The following MGAT4C variants were observed in gnomAD, a reference collection of about 807,000 sequenced individuals.
MGAT4C encodes the protein MGAT4 family member C.
Under a neutral mutation model 40.1 loss-of-function variants are expected in MGAT4C, and 19 were observed. The ratio of observed to expected loss-of-function variants is 0.47; its 90% confidence interval spans 0.33 to 0.70. MGAT4C has a LOEUF of 0.70. MGAT4C is among the 30% of genes least tolerant of loss of function. The pLI is 0.02. For missense variants in MGAT4C, 491 were observed against 563.2 expected, an observed-to-expected ratio of 0.87 and a Z score of 1.30; for synonymous variants, 181 against 187.1, an observed-to-expected ratio of 0.97 and a Z score of 0.27.
intron 2 of MGAT4C, among the ~76,000 whole-genome samples, chr12:86,019,828 G>A (rs1463357440): frequency 1.3e-5 from 2 of 152,132 alleles, no homozygotes; most frequent in Admixed American, 1.3e-4. Context: ...CATGAGCATG[G>A]AATGTTCTTC....
intron 2 of MGAT4C, among the ~76,000 whole-genome samples, chr12:86,477,277 T>C (rs1168502350): frequency 2.6e-5 from 4 of 151,702 alleles, no homozygotes; most frequent in Admixed American, 2.6e-4. Context: ...TGAATGAAAT[T>C]AGAGGCCATT....
At position 86,459,291 on chromosome 12, in the gene MGAT4C, C is replaced by T. The variant is rs576683397; in HGVS notation, c.-228-24026G>A. Among the ~76,000 whole-genome samples the T allele has an allele frequency of 5.3e-5, 8 of 152,186 alleles. No individual in the cohort carries two copies. The South Asian group carries it at 1.2e-3, about 24-fold the overall frequency. On this transcript the variant is annotated intron_variant, in intron 2 of 7. Coordinates refer to the MGAT4C transcript ENST00000548651. ...CTCTTATCTTGAGTGTGGGCAGAAT[C>T]TGTGAATAGAATGGCAATATCACTC...
chr12:86,670,012 G>GA (rs1283818074), intron 2 of MGAT4C, among the ~76,000 whole-genome samples: 4 of 145,216 alleles, frequency 2.8e-5, no homozygotes, highest in Non-Finnish European at 4.6e-5. Flanking sequence ...GAAAGGGAAA[G>GA]AAAAAAGAAA....
At chr12:86,109,192 T>C (rs1876763832) in intron 1 of MGAT4C, among the ~76,000 whole-genome samples, 1 of 152,122 alleles carries the variant, frequency 6.6e-6, no homozygotes, top group African/African-American at 2.4e-5. Context: ...AATTAGACAC[T>C]AGCACCAAAA....
intron 2 of MGAT4C, among the ~76,000 whole-genome samples, chr12:86,664,960 A>G (rs1238052655): frequency 6.6e-6 from 1 of 152,172 alleles, no homozygotes; most frequent in Non-Finnish European, 1.5e-5. Flanking sequence ...CATTTCATGT[A>G]TCAGTATCCC....
intron 1 of MGAT4C, among the ~76,000 whole-genome samples, chr12:86,768,582 A>G (rs1470106201): frequency 2.0e-5 from 3 of 151,622 alleles, no homozygotes; most frequent in Admixed American, 6.6e-5. Context: ...CCAAAAGAAC[A>G]AAGCTGGAGG....
upstream of MGAT4C, among the ~76,000 whole-genome samples, chr12:86,258,666 T>A (rs1183446875): frequency 6.6e-6 from 1 of 152,096 alleles, no homozygotes; most frequent in African/African-American, 2.4e-5. Flanking sequence ...TATTAAAATA[T>A]GTCAGTGAGA....
At position 86,394,895 on chromosome 12, in the gene MGAT4C, T is replaced by G. The variant is rs571567636; in HGVS notation, c.-120+40262A>C. 4.6e-5 allele frequency among the ~76,000 whole-genome samples: 7 copies of G among 151,906 alleles called. No homozygotes were observed. In the South Asian group the frequency reaches 1.5e-3, roughly 32 times the overall value. ...CCTCCCAAAGTGCTGGGAATACAGGTGTGAGACACCACACCCGGCTTAATT... is the reference window on the plus strand; with the variant it reads ...CCTCCCAAAGTGCTGGGAATACAGGGGTGAGACACCACACCCGGCTTAATT... On this transcript the variant is annotated intron_variant, in intron 3 of 7. Transcript: ENST00000548651.
At chr12:86,193,135 T>G (rs1593196290) in intron 1 of MGAT4C, among the ~76,000 whole-genome samples, 1 of 152,020 alleles carries the variant, frequency 6.6e-6, no homozygotes, top group Non-Finnish European at 1.5e-5. Context: ...ATCAGATATA[T>G]TTGACTTTAA....
intron 2 of MGAT4C, among the ~76,000 whole-genome samples, chr12:86,706,352 T>C (rs1950458188): frequency 6.6e-6 from 1 of 152,206 alleles, no homozygotes; most frequent in Admixed American, 6.5e-5. Context: ...AGGGCTATTT[T>C]AATTGGAATG....
chr12:86,043,002 A>C (rs1892024424), intron 2 of MGAT4C, among the ~76,000 whole-genome samples: 1 of 152,064 alleles, frequency 6.6e-6, no homozygotes, highest in Admixed American at 6.6e-5. Context: ...AGCTGCATTT[A>C]ACCTTTCTTC....
intron 1 of MGAT4C, among the ~76,000 whole-genome samples, chr12:86,127,296 T>C (rs571861519): frequency 6.6e-6 from 1 of 152,326 alleles, no homozygotes; most frequent in South Asian, 2.1e-4. Flanking sequence ...ATTTGTGTAT[T>C]CAAACATACC....
intron 2 of MGAT4C, among the ~76,000 whole-genome samples, chr12:86,479,736 G>A (rs1190388874): frequency 6.6e-6 from 1 of 151,846 alleles, no homozygotes. Context: ...TAGAGCAAGA[G>A]TGGAGCCTTT....
intron 1 of MGAT4C, among the ~76,000 whole-genome samples, chr12:86,156,102 C>CAT (rs1254699502): frequency 2.6e-5 from 4 of 152,070 alleles, no homozygotes; most frequent in African/African-American, 7.2e-5. Context: ...TATAAACACA[C>CAT]ATATATATAC....
chr12:86,583,946 A>C (rs1960897408), intron 2 of MGAT4C, among the ~76,000 whole-genome samples: 1 of 151,094 alleles, frequency 6.6e-6, no homozygotes, highest in Non-Finnish European at 1.5e-5. Context: ...TATACTACTA[A>C]TAAAATAAGT....
intron 2 of MGAT4C, among the ~76,000 whole-genome samples, chr12:86,045,038 C>T (rs1055972579): frequency 5.9e-5 from 9 of 152,080 alleles, no homozygotes; most frequent in South Asian, 2.1e-4. Context: ...ATGGTAGTCC[C>T]GTTCAGGGTT....
intron 3 of MGAT4C, among the ~76,000 whole-genome samples, chr12:86,378,158 A>G (rs1323780363): frequency 6.6e-6 from 1 of 152,152 alleles, no homozygotes; most frequent in African/African-American, 2.4e-5. Flanking sequence ...TAATGTTGCT[A>G]TGAAAATGGG....
chr12:86,486,376 GCACACACACACACA>G (rs59222713), intron 2 of MGAT4C, among the ~76,000 whole-genome samples: 1,883 of 140,082 alleles, frequency 0.013, 29 homozygotes, highest in Middle Eastern at 0.045. Context: ...GATCTATCAT[GCACACACACACACA>G]CACACACACA....
chr12:86,346,490 G>T (rs1443340988), intron 3 of MGAT4C, among the ~76,000 whole-genome samples: 5 of 152,156 alleles, frequency 3.3e-5, no homozygotes, highest in African/African-American at 4.8e-5. Flanking sequence ...CTCCCAAAGT[G>T]CTGGGATTAC....
Sources: allele counts gnomAD v4.1 joint callset (sites outside exome capture counted in the v4.1 genomes callset), GRCh38; gene constraint gnomAD v4.1.1; transcripts MANE v1.5; gene names NCBI Gene and HGNC (gene_info 2026-07-23, HGNC 2026-07-21).